Variants in LRIG3 observed in about 807,000 individuals in gnomAD.
LRIG3 encodes the protein leucine-rich repeats and immunoglobulin-like domains protein 3.
Under a neutral mutation model 114.5 loss-of-function variants are expected in LRIG3, and 76 were observed. That is an observed-to-expected ratio of 0.66 (90% CI 0.55 to 0.80). The LOEUF (loss-of-function observed/expected upper bound fraction) is 0.80, where lower values mean the gene tolerates loss of function less well. Ranked by LOEUF, LRIG3 falls within the 30% of genes least tolerant of loss-of-function variation. The pLI is 0.00. For synonymous variants in LRIG3, 512 were observed against 519.8 expected (o/e 0.98, Z 0.20); for missense variants, 1,239 against 1,382.8 (o/e 0.90, Z 1.65).
In LRIG3 at chr12:58,877,415, T is replaced by C; in HGVS notation, c.2521A>G (p.Ser841Gly). 2 of 1,613,918 alleles carry C rather than the reference T, an allele frequency of 1.2e-6. No individual in the cohort carries two copies. Among genetic ancestry groups the C allele is most frequent in the Non-Finnish European group, 1.7e-6 (2 of 1,179,824 alleles). The change falls in exon 15 of 19, where the codon AGC becomes GGC. Residue 841 changes from serine to glycine, a missense_variant. Transcript: ENST00000320743. ...YHTRRRNEDCSITNTDETNLP... is the reference protein window; with the variant it reads ...YHTRRRNEDCGITNTDETNLP... Reference sequence around the variant, plus strand: ...GTTTACACACCTGTGTTGGTAATGCTGCAATCTTCATTCCTCCGCCTTGTG... The same window carrying C: ...GTTTACACACCTGTGTTGGTAATGCCGCAATCTTCATTCCTCCGCCTTGTG...
At chr12:58,874,714 T>C (rs553434578) in intron 16 of LRIG3, 141 bp from the exon 17 acceptor site, 28 of 1,044,760 alleles carry the variant, frequency 2.7e-5, no homozygotes, top group Non-Finnish European at 3.7e-5. Context: ...AAATTTACAG[T>C]AGGGTTTTAA....
Position 58,876,610 on chromosome 12 carries a change from T to C in LRIG3, c.2537-7A>G. On this transcript the variant is annotated splice_polypyrimidine_tract_variant and splice_region_variant and intron_variant, in intron 15 of 18. Coordinates refer to ENST00000320743, the MANE Select transcript of LRIG3 (RefSeq NM_153377.5). ...GCTGGCAAGTTGGTCTCATCTGTAA[T>C]AAAACAGCAGCATTTTATTAACCAA... The C allele has an allele frequency of 1.2e-6, 2 of 1,614,062 alleles. No homozygotes were observed. Among genetic ancestry groups the C allele is most frequent in the Non-Finnish European group, 1.7e-6 (2 of 1,179,958 alleles).
chr12:58,901,847 A>G (rs553856417), intron 3 of LRIG3, among the ~76,000 whole-genome samples: 2 of 152,348 alleles, frequency 1.3e-5, no homozygotes, highest in East Asian at 1.9e-4. Context: ...AAGGCTGCTC[A>G]CCAAGAATGA....
At position 58,872,258 on chromosome 12, in the gene LRIG3, T is replaced by A. The variant is rs1192563825; in HGVS notation, c.*314A>T. 1 of 171,408 alleles carries A rather than the reference T, an allele frequency of 5.8e-6. No individual in the cohort carries two copies. The highest frequency in any genetic ancestry group is 1.2e-5 in the Non-Finnish European group (1 of 81,110). The allele number at this position is 171,408 out of a possible 1,614,324, so 10.6% of individuals were successfully genotyped here. ...GTATTATTTAAAATGCTTTAGTAAC[T>A]CATTTTCCATAAAAAGAAATCTGGC... On this transcript the variant is annotated 3_prime_UTR_variant, in exon 19 of 19. Transcript: ENST00000320743.
chr12:58,919,158 AAAG>A (rs141458978), intron 1 of LRIG3, among the ~76,000 whole-genome samples: 2,692 of 152,346 alleles, frequency 0.018, 57 homozygotes, highest in Admixed American at 0.054. Context: ...CTGAGGAAGA[AAAG>A]AGATGACATT....
chr12:58,880,753 A>T lies in LRIG3; in HGVS notation c.1629T>A (p.Asp543Glu). The change falls in exon 13 of 19, where the codon GAT becomes GAA. Residue 543 changes from aspartate (D) to glutamate (E), a missense_variant. Transcript: ENST00000320743. Reference protein sequence around the residue: ...AWKKDNELLHDAEMENYAHLR... With the variant: ...AWKKDNELLHEAEMENYAHLR... Reference sequence around the variant, plus strand: ...GGTGTGCATAATTTTCCATTTCAGCATCATGCAGTAGTTCATTGTCTTTTT... The same window carrying T: ...GGTGTGCATAATTTTCCATTTCAGCTTCATGCAGTAGTTCATTGTCTTTTT... The T allele has an allele frequency of 6.2e-7, 1 of 1,614,220 alleles. No individual in the cohort carries two copies. Among genetic ancestry groups the T allele is most frequent in the African/African-American group, 1.3e-5 (1 of 75,050 alleles).
chr12:58,919,499 G>A (rs1872595329), intron 1 of LRIG3: 5 of 1,551,546 alleles, frequency 3.2e-6, no homozygotes, highest in Non-Finnish European at 4.4e-6. Context: ...GAGAATGACC[G>A]AATTCTGTTG....
At chr12:58,878,062 T>G (rs1011311322) in intron 14 of LRIG3, among the ~76,000 whole-genome samples, 3 of 152,202 alleles carry the variant, frequency 2.0e-5, no homozygotes, top group African/African-American at 7.2e-5. Flanking sequence ...AAGGATAATA[T>G]CTACTATTTT....
At chr12:58,894,884 G>A (rs572234545) in intron 3 of LRIG3, among the ~76,000 whole-genome samples, 5 of 152,114 alleles carry the variant, frequency 3.3e-5, no homozygotes, top group Non-Finnish European at 4.4e-5. Flanking sequence ...ATAGTACAGG[G>A]AGTTCCATGG....
At chr12:58,887,957 A>T (rs1433331109) in intron 7 of LRIG3, 25 bp from the exon 8 acceptor site, 2 of 1,600,446 alleles carry the variant, frequency 1.2e-6, no homozygotes, top group Non-Finnish European at 1.7e-6. Context: ...GAGAAAAGCA[A>T]TAGCTTTTAT....
intron 9 of LRIG3, among the ~76,000 whole-genome samples, chr12:58,886,520 T>C (rs1871281553): frequency 6.6e-6 from 1 of 151,882 alleles, no homozygotes; most frequent in Non-Finnish European, 1.5e-5. Flanking sequence ...TTTTACGCAA[T>C]GATAATTCCA....
chr12:58,914,116 G>A, intron 2 of LRIG3, 60 bp from the exon 3 acceptor site: 1 of 1,559,722 alleles, frequency 6.4e-7, no homozygotes, highest in Non-Finnish European at 8.7e-7. Context: ...GTAATTCACA[G>A]AGGTGAAAAC....
intron 16 of LRIG3, among the ~76,000 whole-genome samples, chr12:58,875,626 T>C (rs1236509727): frequency 6.6e-6 from 1 of 152,260 alleles, no homozygotes; most frequent in Non-Finnish European, 1.5e-5. Flanking sequence ...AAGTATTGTA[T>C]GTGCCCCACA....
intron 3 of LRIG3, among the ~76,000 whole-genome samples, chr12:58,892,670 T>C (rs936748058): frequency 4.6e-5 from 7 of 152,216 alleles, no homozygotes; most frequent in African/African-American, 1.7e-4. Context: ...TCTAACAATA[T>C]TGAAGATCGA....
rs752792017 is a variant in LRIG3 at position 58,877,690 on chromosome 12, T to C, written c.2246A>G (p.Asn749Ser). 32 of 1,614,068 alleles carry C rather than the reference T, an allele frequency of 2.0e-5. No individual in the cohort carries two copies. Among genetic ancestry groups the C allele is most frequent in the Non-Finnish European group, 2.5e-5 (29 of 1,180,036 alleles). Reference sequence around the variant, plus strand: ...TGAGTCCACAATAATCAGAAGCTGATTGCCTGCTGCAAAAAAGTGCCTCTC... The same window carrying C: ...TGAGTCCACAATAATCAGAAGCTGACTGCCTGCTGCAAAAAAGTGCCTCTC... ...VTERHFFAAG[N>S]QLLIIVDSDV... The change falls in exon 15 of 19, where the codon AAT (asparagine) becomes AGT (serine). Residue 749 changes from asparagine (N) to serine (S), a missense_variant. By Grantham distance (46) the Asn-to-Ser change is conservative. Transcript: ENST00000320743.
chr12:58,898,985 T>C (rs1196667339), intron 3 of LRIG3, among the ~76,000 whole-genome samples: 2 of 152,202 alleles, frequency 1.3e-5, no homozygotes, highest in South Asian at 2.1e-4. Flanking sequence ...ACACTGCTCA[T>C]GGATAATGCC....
In LRIG3 at chr12:58,900,613, T is replaced by A. The variant is rs557867656; in HGVS notation, c.384-9817A>T. 1.2e-4 allele frequency among the ~76,000 whole-genome samples: 19 copies of A among 152,234 alleles called. No homozygotes were observed. In the East Asian group the frequency reaches 3.7e-3, roughly 29 times the overall value. On this transcript the variant is annotated intron_variant, in intron 3 of 18. Transcript: ENST00000320743. ...TATAGTCTGTTTTACTGAAAAAAAA[T>A]TCAGCTTAGATTTGTGTATTTTTTA...
rs114318174 is a variant in LRIG3, at chr12:58,885,874, T to C, written c.1201A>G (p.Ile401Val). The C allele has an allele frequency of 3.4e-4, 537 of 1,590,776 alleles. 3 individuals are homozygous for C. In the African/African-American group the frequency reaches 6.1e-3, roughly 18 times the overall value. The change falls in exon 10 of 19, where the codon ATT becomes GTT. Residue 401 changes from isoleucine to valine, a missense_variant. Ile to Val is a conservative substitution (Grantham distance 29). Transcript: ENST00000320743. ...AAACCAGTGAAGGCTTTTTTAGTAA[T>C]AGAACGGATCCGATTTCCTTGGAGT... ...LILQGNRIRS[I>V]TKKAFTGLDA...
intron 3 of LRIG3, among the ~76,000 whole-genome samples, chr12:58,892,882 G>A (rs528280181): frequency 1.3e-5 from 2 of 152,218 alleles, no homozygotes; most frequent in African/African-American, 4.8e-5. Context: ...AGAATACAGA[G>A]TATGAAAGAT....
Sources: allele counts gnomAD v4.1 joint callset (sites outside exome capture counted in the v4.1 genomes callset), GRCh38; gene constraint gnomAD v4.1.1; transcripts MANE v1.5; gene names NCBI Gene and HGNC (gene_info 2026-07-23, HGNC 2026-07-21).